Variants in ABCA13 observed in about 807,000 individuals in gnomAD.
The protein encoded by ABCA13 is ATP-binding cassette sub-family A member 13.
ABCA13 carries 476 observed loss-of-function variants against 478.7 expected under a neutral mutation model. The ratio of observed to expected loss-of-function variants is 0.99; its 90% CI spans 0.92 to 1.07. The LOEUF (loss-of-function observed/expected upper bound fraction) is 1.07, where lower values mean the gene tolerates loss of function less well. ABCA13 is among the 50% of genes least tolerant of loss of function. The pLI is 0.00. For synonymous variants in ABCA13, 2,252 were observed against 2,158.9 expected (o/e 1.04, Z -1.20); for missense variants, 6,060 against 5,910.6 (o/e 1.03, Z -0.83).
Position 48,226,799 on chromosome 7 carries a change from C to T in ABCA13, c.469-463C>T, listed in dbSNP as rs117954996. ...AAATCCAAAGGCTCTATACTATGGG[C>T]CAGCTGCATTTGCCTTCTGATCAAG... is the stretch of plus-strand genomic sequence containing the variant. On this transcript the variant is annotated intron_variant, in intron 5 of 61. Coordinates refer to ENST00000435803, the MANE Select transcript of ABCA13 (RefSeq NM_152701.5). Among the ~76,000 whole-genome samples the T allele has an allele frequency of 8.7e-3, 1,317 of 152,246 alleles. 8 individuals are homozygous for T. Among genetic ancestry groups the T allele is most frequent in the Non-Finnish European group, 0.014 (969 of 68,020 alleles).
intron 20 of ABCA13, among the ~76,000 whole-genome samples, chr7:48,294,429 TTTTTTTTTTTTTGTTTTG>T (rs1799046038): frequency 9.9e-6 from 1 of 100,692 alleles, no homozygotes; most frequent in Non-Finnish European, 2.1e-5. Context: ...CTATGGGTTT[TTTTTTTTTTTTTGTTTTG>T]TTTTTTTTTT....
intron 50 of ABCA13, among the ~76,000 whole-genome samples, chr7:48,508,361 A>T (rs1391871202): frequency 1.3e-5 from 2 of 152,218 alleles, no homozygotes; most frequent in Non-Finnish European, 2.9e-5. Flanking sequence ...ATGGGGTAGC[A>T]GATGAGGTGA....
chr7:48,527,541 G>A (rs1832963707), intron 54 of ABCA13, among the ~76,000 whole-genome samples: 1 of 152,152 alleles, frequency 6.6e-6, no homozygotes, highest in Non-Finnish European at 1.5e-5. Context: ...ACATGATAGA[G>A]ACAAAGTGTA....
chr7:48,427,680 C>T (rs183420628), intron 41 of ABCA13, 86 bp from the exon 42 acceptor site: 26 of 826,852 alleles, frequency 3.1e-5, no homozygotes, highest in Admixed American at 1.7e-4. Context: ...TTGTCACAAC[C>T]GGATTAGGCA....
At position 48,508,747 on chromosome 7, in the gene ABCA13, G is replaced by C. The variant is rs189109313; in HGVS notation, c.13524+698G>C. ...ACAGAAAATCATACATAAGTCAGTG[G>C]AAGGCCGGAGGTCAACCATTTACTG... On this transcript the variant is annotated intron_variant, in intron 50 of 61. Transcript: ENST00000435803. 1.7e-3 allele frequency among the ~76,000 whole-genome samples: 260 copies of C among 152,248 alleles called. 3 individuals carry two copies. The highest frequency in any genetic ancestry group is 5.8e-3 in the African/African-American group (243 of 41,556).
In ABCA13 at chr7:48,471,399, C is replaced by A. The variant is rs555595906; in HGVS notation, c.12906-131C>A. On this transcript the variant is annotated intron_variant, in intron 44 of 61. Transcript: ENST00000435803. ...CAAGCTGTGAAAACAAATGTAAGAG[C>A]TCTGCCTTCTCGGCAGTGGGAGATG... is the stretch of plus-strand genomic sequence containing the variant. 5.3e-5 allele frequency: 41 copies of A among 769,910 alleles called. No individual in the cohort carries two copies. In the African/African-American group the frequency reaches 5.5e-4, roughly 10 times the overall value. The allele number at this position is 769,910 out of a possible 1,614,324, so 47.7% of individuals were successfully genotyped here. A position where few individuals can be genotyped will look rare whatever the true frequency, so the allele number is the denominator to read the frequency against.
At chr7:48,396,857 T>A (rs566865578) in intron 38 of ABCA13, among the ~76,000 whole-genome samples, 1 of 152,202 alleles carries the variant, frequency 6.6e-6, no homozygotes, top group Non-Finnish European at 1.5e-5. Flanking sequence ...AACCTGCCTC[T>A]GGGGCATTTC....
At chr7:48,516,945 C>G in intron 52 of ABCA13, 64 bp downstream of exon 52, 1 of 1,520,392 alleles carries the variant, frequency 6.6e-7, no homozygotes, top group South Asian at 1.3e-5. Flanking sequence ...GGTGTTAACT[C>G]ATGCCTCTTT....
At chr7:48,296,454 T>A (rs1194669423) in intron 21 of ABCA13, among the ~76,000 whole-genome samples, 1 of 150,714 alleles carries the variant, frequency 6.6e-6, no homozygotes, top group Non-Finnish European at 1.5e-5. Context: ...ATATTTTTCT[T>A]TTCTTTTCTC....
At chr7:48,522,674 C>G (rs1455181933) in intron 53 of ABCA13, among the ~76,000 whole-genome samples, 2 of 152,092 alleles carry the variant, frequency 1.3e-5, no homozygotes, top group East Asian at 3.9e-4. Context: ...GTGGGTGGAC[C>G]AGAAGTAAGC....
At chr7:48,582,660 C>T (rs1788818415) in intron 56 of ABCA13, among the ~76,000 whole-genome samples, 1 of 152,154 alleles carries the variant, frequency 6.6e-6, no homozygotes, top group Admixed American at 6.5e-5. Context: ...CTCCCGGGGA[C>T]CCTCAGAGCC....
intron 55 of ABCA13, among the ~76,000 whole-genome samples, chr7:48,557,588 G>T (rs1402562850): frequency 1.3e-5 from 2 of 152,052 alleles, no homozygotes; most frequent in Non-Finnish European, 2.9e-5. Flanking sequence ...TTCATTGTAT[G>T]TTATTTGTTT....
intron 3 of ABCA13, among the ~76,000 whole-genome samples, chr7:48,216,837 A>G (rs1479793856): frequency 6.6e-6 from 1 of 152,190 alleles, no homozygotes; most frequent in Non-Finnish European, 1.5e-5. Flanking sequence ...CCTTCTATCT[A>G]TAGATTAGTT....
intron 60 of ABCA13, 47 bp from the exon 61 acceptor site, chr7:48,644,570 T>C (rs762262223): frequency 1.3e-6 from 2 of 1,538,962 alleles, no homozygotes; most frequent in Admixed American, 4.3e-5. Flanking sequence ...TTTTGTTTAA[T>C]AATGCTAGTT....
intron 16 of ABCA13, among the ~76,000 whole-genome samples, chr7:48,269,512 A>T (rs2128743366): frequency 6.6e-6 from 1 of 152,296 alleles, no homozygotes; most frequent in South Asian, 2.1e-4. Context: ...AATTTGTCGG[A>T]CTATTTTCTG....
chr7:48,571,892 C>T (rs967844943), intron 55 of ABCA13, among the ~76,000 whole-genome samples: 20 of 152,040 alleles, frequency 1.3e-4, no homozygotes, highest in African/African-American at 4.8e-4. Flanking sequence ...TTATGATTAA[C>T]ATAGGCTGGG....
rs112603358 is a variant in ABCA13, at chr7:48,440,497, A to G, written c.12565+12626A>G. On this transcript the variant is annotated intron_variant, in intron 42 of 61. Transcript: ENST00000435803. ...TCTCTACATTCTACCGTTTATGTCA[A>G]AATTTATTTAAACTGGACATACACA... is the stretch of plus-strand genomic sequence containing the variant. Among the ~76,000 whole-genome samples the G allele has an allele frequency of 7.2e-5, 11 of 152,272 alleles. 1 individual carries two copies. Among genetic ancestry groups the G allele is most frequent in the African/African-American group, 2.6e-4 (11 of 41,560 alleles).
chr7:48,494,425 G>A (rs17132388), intron 48 of ABCA13, among the ~76,000 whole-genome samples: 20,797 of 151,988 alleles, frequency 0.14, 1,823 homozygotes, highest in African/African-American at 0.23. Context: ...AGAGCTTTGG[G>A]TATATTTGAG....
chr7:48,562,460 A>C (rs1786566262), intron 55 of ABCA13, among the ~76,000 whole-genome samples: 1 of 152,178 alleles, frequency 6.6e-6, no homozygotes, highest in African/African-American at 2.4e-5. Flanking sequence ...ATATCTAGGC[A>C]AGGGACCATG....
Sources: gnomAD v4.1 joint callset for allele counts (sites outside exome capture counted in the v4.1 genomes callset) on GRCh38, gnomAD v4.1.1 for gene constraint, MANE v1.5 for transcripts, NCBI Gene and HGNC (gene_info 2026-07-23, HGNC 2026-07-21) for gene names.